DMD: variants seen among roughly 807,000 people sequenced by gnomAD.
DMD encodes the protein dystrophin.
A neutral mutation model predicts 330.1 loss-of-function variants in DMD; 63 were observed. That is an observed-to-expected ratio of 0.19 (90% confidence interval 0.16 to 0.24). DMD has a LOEUF of 0.24. Among genes scored for constraint, DMD ranks in the 10% least tolerant of loss-of-function variants. The probability of loss-of-function intolerance (pLI) is 1.00; values close to 1 mark genes in which losing one functional copy is unlikely to be tolerated. For missense variants in DMD, 3,344 were observed against 2,684.1 expected, an observed-to-expected ratio of 1.25 and a Z score of -5.43; for synonymous variants, 1,223 against 959.8, an observed-to-expected ratio of 1.27 and a Z score of -5.07.
rs1043199836 is a variant in DMD at position 32,386,551 on chromosome X, C to T, written c.4519-86G>A. The T allele has an allele frequency of 3.5e-5, 30 of 847,008 alleles. No homozygotes were observed. In the African/African-American group the frequency reaches 4.9e-4, roughly 14 times the overall value. 69.8% of individuals were successfully genotyped at this position (847,008 alleles called of 1,213,427 possible). On this transcript the variant is annotated intron_variant, in intron 32 of 78. Transcript: ENST00000357033. Reference sequence around the variant, plus strand: ...ATGAACAGAAATAAATAGAGATCCCCTTAATTGCTATTCCATGTTTGAAAT... The same window carrying T: ...ATGAACAGAAATAAATAGAGATCCCTTTAATTGCTATTCCATGTTTGAAAT...
chrX:31,635,175 A>G (rs2079343260), intron 54 of DMD, among the ~76,000 whole-genome samples: 1 of 111,857 alleles, frequency 8.9e-6, no homozygotes, highest in South Asian at 3.7e-4. Flanking sequence ...TTACACACTT[A>G]AAATTGGTGT....
intron 1 of DMD, among the ~76,000 whole-genome samples, chrX:33,169,873 G>A (rs1201288104): frequency 5.5e-5 from 6 of 109,688 alleles, no homozygotes; most frequent in Non-Finnish European, 7.6e-5. Context: ...AGAATCTAGG[G>A]AGAAAGTCAG....
intron 2 of DMD, among the ~76,000 whole-genome samples, chrX:33,006,517 G>T (rs955770056): frequency 9.0e-6 from 1 of 111,484 alleles, no homozygotes; most frequent in African/African-American, 3.3e-5. Context: ...AAATAATGCT[G>T]AAACAACTGG....
chrX:32,997,106 T>C (rs1404935276), intron 2 of DMD, among the ~76,000 whole-genome samples: 2 of 111,498 alleles, frequency 1.8e-5, no homozygotes, highest in Admixed American at 1.9e-4. Context: ...ATCACTCCAA[T>C]AGTGTACATT....
intron 7 of DMD, among the ~76,000 whole-genome samples, chrX:32,733,234 C>T (rs1385599421): frequency 1.8e-5 from 2 of 110,923 alleles, no homozygotes; most frequent in Non-Finnish European, 3.8e-5. Context: ...ATATATGCAC[C>T]CAACAAAGGA....
intron 1 of DMD, among the ~76,000 whole-genome samples, chrX:33,302,412 T>A (rs2053679149): frequency 8.9e-6 from 1 of 111,947 alleles, no homozygotes; most frequent in Admixed American, 9.5e-5. Context: ...GTATTCACCA[T>A]TTCTAGGTTG....
intron 7 of DMD, among the ~76,000 whole-genome samples, chrX:32,730,406 T>A (rs1300137216): frequency 1.8e-5 from 2 of 112,000 alleles, no homozygotes; most frequent in South Asian, 7.5e-4. Flanking sequence ...ATCCAATCCA[T>A]GAGTTTTAAA....
At chrX:33,231,060 T>C (rs1330711103) in intron 1 of DMD, among the ~76,000 whole-genome samples, 1 of 111,762 alleles carries the variant, frequency 8.9e-6, no homozygotes, top group Non-Finnish European at 1.9e-5. Flanking sequence ...TGTGCTTGCA[T>C]AGAAATACAT....
intron 2 of DMD, among the ~76,000 whole-genome samples, chrX:32,901,954 T>G (rs2086284766): frequency 9.1e-6 from 1 of 110,464 alleles, no homozygotes; most frequent in African/African-American, 3.3e-5. Flanking sequence ...TCTTCAGTTT[T>G]ATTATGACTG....
intron 52 of DMD, among the ~76,000 whole-genome samples, chrX:31,728,189 A>AT (rs374619865): frequency 6.5e-4 from 71 of 109,516 alleles, no homozygotes; most frequent in Admixed American, 1.7e-3. Flanking sequence ...CGCCCGGCTA[A>AT]TTTTTTTTTG....
At chrX:31,696,983 A>T (rs1305027701) in intron 52 of DMD, among the ~76,000 whole-genome samples, 1 of 112,334 alleles carries the variant, frequency 8.9e-6, no homozygotes, top group Non-Finnish European at 1.9e-5. Context: ...TATATACAAA[A>T]GACAATTTTA....
intron 2 of DMD, among the ~76,000 whole-genome samples, chrX:33,015,674 A>G (rs908760206): frequency 5.4e-5 from 6 of 111,521 alleles, no homozygotes; most frequent in Non-Finnish European, 5.7e-5. Context: ...ATAAAAGTTA[A>G]AAAAAGAAAG....
intron 62 of DMD, among the ~76,000 whole-genome samples, chrX:31,282,960 A>C (rs2147899393): frequency 8.9e-6 from 1 of 111,940 alleles, no homozygotes; most frequent in African/African-American, 3.2e-5. Flanking sequence ...TTTTAAATAA[A>C]ATTGGTTCAA....
intron 55 of DMD, among the ~76,000 whole-genome samples, chrX:31,559,719 T>TCTTA (rs1773481286): frequency 9.6e-6 from 1 of 104,171 alleles, no homozygotes; most frequent in Non-Finnish European, 2.0e-5. Context: ...ATCATGAACC[T>TCTTA]CTTACTTGAG....
intron 9 of DMD, among the ~76,000 whole-genome samples, chrX:32,651,120 T>TA (rs1257566272): frequency 9.9e-6 from 1 of 100,706 alleles, no homozygotes; most frequent in Admixed American, 1.0e-4. Flanking sequence ...ACAGCACTTT[T>TA]AAAAAAATAT....
intron 44 of DMD, among the ~76,000 whole-genome samples, chrX:31,974,321 T>A (rs2095420861): frequency 9.0e-6 from 1 of 110,994 alleles, no homozygotes; most frequent in African/African-American, 3.3e-5. Flanking sequence ...GTAGGTACTA[T>A]GCTCACTGTT....
intron 17 of DMD, among the ~76,000 whole-genome samples, chrX:32,538,215 G>T (rs749419020): frequency 8.9e-6 from 1 of 112,255 alleles, no homozygotes; most frequent in East Asian, 2.8e-4. Context: ...GCACCTTTAC[G>T]TCCAGATGGC....
chrX:31,545,427 G>A (rs1042978410), intron 55 of DMD, among the ~76,000 whole-genome samples: 1 of 112,273 alleles, frequency 8.9e-6, no homozygotes, highest in African/African-American at 3.2e-5. Context: ...ACTTGTTTCA[G>A]TTTAAGAACC....
intron 44 of DMD, among the ~76,000 whole-genome samples, chrX:32,060,303 A>G (rs973294817): frequency 9.0e-6 from 1 of 111,596 alleles, no homozygotes; most frequent in African/African-American, 3.3e-5. Context: ...CTTTTTAGTG[A>G]TCACTTTCTG....
Sources: allele counts gnomAD v4.1 joint callset (sites outside exome capture counted in the v4.1 genomes callset), GRCh38; gene constraint gnomAD v4.1.1; transcripts MANE v1.5; gene names NCBI Gene and HGNC (gene_info 2026-07-23, HGNC 2026-07-21).